PARD3: variants seen among roughly 807,000 people sequenced by gnomAD.
PARD3 encodes the protein partitioning defective 3 homolog.
A neutral mutation model predicts 155.4 loss-of-function variants in PARD3; 75 were observed. The observed-to-expected ratio is 0.48, with a 90% confidence interval of 0.40 to 0.58. The LOEUF (loss-of-function observed/expected upper bound fraction) is 0.58, where lower values mean the gene tolerates loss of function less well. Among genes scored for constraint, PARD3 ranks in the 20% least tolerant of loss-of-function variants. The pLI, the probability that PARD3 is intolerant of heterozygous loss-of-function variation, is 0.00. For synonymous variants in PARD3, 576 were observed against 610.5 expected (o/e 0.94, Z 0.83); for missense variants, 1,642 against 1,721.7 (o/e 0.95, Z 0.82).
intron 3 of PARD3, among the ~76,000 whole-genome samples, chr10:34,509,801 C>CA (rs201804245): frequency 0.065 from 9,831 of 150,418 alleles, 422 homozygotes; most frequent in African/African-American, 0.13. Context: ...GACAAAACAA[C>CA]AAAAAAAAAG....
At chr10:34,440,703 A>G (rs2076418034) in intron 5 of PARD3, among the ~76,000 whole-genome samples, 1 of 152,046 alleles carries the variant, frequency 6.6e-6, no homozygotes, top group Non-Finnish European at 1.5e-5. Flanking sequence ...AGCAATAAAT[A>G]AAGACAGTTG....
intron 2 of PARD3, among the ~76,000 whole-genome samples, chr10:34,536,819 A>C (rs2083265398): frequency 6.6e-6 from 1 of 152,218 alleles, no homozygotes; most frequent in African/African-American, 2.4e-5. Context: ...AAGTCAACAC[A>C]GTCAACACCT....
chr10:34,182,069 A>C (rs921859477), intron 22 of PARD3, among the ~76,000 whole-genome samples: 1 of 152,182 alleles, frequency 6.6e-6, no homozygotes, highest in Non-Finnish European at 1.5e-5. Context: ...AGATGTTTTC[A>C]ATCTGGAAAG....
chr10:34,252,444 CTT>C (rs1954374285), intron 22 of PARD3, among the ~76,000 whole-genome samples: 2 of 152,176 alleles, frequency 1.3e-5, no homozygotes, highest in African/African-American at 4.8e-5. Flanking sequence ...CACAGGCAAA[CTT>C]AACCCTGATG....
At chr10:34,722,133 C>T (rs113218504) in intron 1 of PARD3, among the ~76,000 whole-genome samples, 2,990 of 152,234 alleles carry the variant, frequency 0.02, 98 homozygotes, top group African/African-American at 0.068. Flanking sequence ...TTCAAGGCTG[C>T]AGTGAGACAT....
At position 34,516,992 on chromosome 10, in the gene PARD3, T is replaced by G. The variant is rs1446744403; in HGVS notation, c.390A>C (p.Ser130=). The change falls in exon 3 of 25, where the codon TCA becomes TCC. Residue 130 remains serine, a synonymous_variant. Transcript: ENST00000374788. The part of the protein sequence containing the change: ...QATSEIEVTP[S]VLRANMPLHV... ...GCTTTCACTTACTTGCTCGAAGGAC[T>G]GAAGGTGTGACCTCAATTTCACTTG... 1 of 1,613,998 alleles carries G rather than the reference T, an allele frequency of 6.2e-7. No homozygotes were observed. The highest frequency in any genetic ancestry group is 8.5e-7 in the Non-Finnish European group (1 of 1,179,966).
At chr10:34,572,822 G>C (rs984234195) in intron 2 of PARD3, among the ~76,000 whole-genome samples, 6 of 151,590 alleles carry the variant, frequency 4.0e-5, no homozygotes, top group Admixed American at 3.3e-4. Flanking sequence ...TAAAGCTATA[G>C]ATAAAACATA....
Position 34,650,934 on chromosome 10 carries a change from C to T in PARD3, c.222+45384G>A, listed in dbSNP as rs1325842036. Among the ~76,000 whole-genome samples the T allele has an allele frequency of 8.6e-5, 12 of 140,000 alleles. No homozygotes were observed. The Admixed American group carries it at 9.3e-4, about 11-fold the overall frequency. 91.8% of individuals were successfully genotyped at this position (140,000 alleles called of 152,430 possible). A position where few individuals can be genotyped will look rare whatever the true frequency, so the allele number is the denominator to read the frequency against. ...GCTGAGGCAGGAAAATCGCTTGAAC[C>T]CAGGAGGCAGAGGTTGTGGTGAGCC... On this transcript the variant is annotated intron_variant, in intron 2 of 24. Coordinates refer to ENST00000374788, the MANE Select transcript of PARD3 (RefSeq NM_001184785.2).
intron 21 of PARD3, among the ~76,000 whole-genome samples, chr10:34,283,680 A>T (rs1956256389): frequency 6.6e-6 from 1 of 152,166 alleles, no homozygotes; most frequent in Non-Finnish European, 1.5e-5. Context: ...GAAAAACAAC[A>T]TAATGAATAA....
intron 2 of PARD3, among the ~76,000 whole-genome samples, chr10:34,682,823 T>C (rs1039485831): frequency 2.6e-5 from 4 of 152,240 alleles, no homozygotes; most frequent in Non-Finnish European, 5.9e-5. Context: ...GTTGCAGAGA[T>C]TGCATCACTG....
intron 22 of PARD3, among the ~76,000 whole-genome samples, chr10:34,251,766 TGACA>T (rs940534721): frequency 6.6e-6 from 1 of 152,236 alleles, no homozygotes; most frequent in African/African-American, 2.4e-5. Context: ...TGCATTTTGC[TGACA>T]GAAACTCCAG....
chr10:34,519,695 T>C (rs558362213), intron 2 of PARD3, among the ~76,000 whole-genome samples: 2 of 152,070 alleles, frequency 1.3e-5, no homozygotes, highest in Non-Finnish European at 1.5e-5. Context: ...GCTTCTGTAA[T>C]CCCAGCTACT....
chr10:34,345,507 G>A (rs778263804), intron 15 of PARD3: 4 of 985,178 alleles, frequency 4.1e-6, no homozygotes, highest in Non-Finnish European at 4.8e-6. Context: ...GTCTACAAAG[G>A]AGTGATTCCA....
intron 2 of PARD3, among the ~76,000 whole-genome samples, chr10:34,528,525 T>C (rs1690669946): frequency 6.6e-6 from 1 of 152,170 alleles, no homozygotes; most frequent in Non-Finnish European, 1.5e-5. Context: ...TCAGTAGTGA[T>C]AGGTTTTGTT....
At chr10:34,600,928 C>T (rs73267375) in intron 2 of PARD3, among the ~76,000 whole-genome samples, 6,955 of 150,424 alleles carry the variant, frequency 0.046, 509 homozygotes, top group African/African-American at 0.15. Flanking sequence ...GCTGAGACCA[C>T]AAGCACGTGC....
chr10:34,145,213 ATATATATATT>A (rs1024198471), intron 22 of PARD3, among the ~76,000 whole-genome samples: 1 of 64,042 alleles, frequency 1.6e-5, no homozygotes, highest in African/African-American at 9.0e-5. Flanking sequence ...ATATATATAT[ATATATATATT>A]TTTTTTTTTT....
At chr10:34,185,061 C>T (rs1468994084) in intron 22 of PARD3, among the ~76,000 whole-genome samples, 1 of 152,190 alleles carries the variant, frequency 6.6e-6, no homozygotes, top group Non-Finnish European at 1.5e-5. Flanking sequence ...TGTGTTTCAC[C>T]TGTCAGAGCC....
At chr10:34,556,801 G>A (rs892976122) in intron 2 of PARD3, among the ~76,000 whole-genome samples, 1 of 151,888 alleles carries the variant, frequency 6.6e-6, no homozygotes, top group South Asian at 2.1e-4. Flanking sequence ...CACACAAACC[G>A]TTTCCTTTCC....
chr10:34,161,473 A>C (rs1949277124), intron 22 of PARD3, among the ~76,000 whole-genome samples: 1 of 152,112 alleles, frequency 6.6e-6, no homozygotes, highest in Non-Finnish European at 1.5e-5. Context: ...GCTTTACTTT[A>C]GGAAACACCA....
Sources: gnomAD v4.1 joint callset for allele counts (sites outside exome capture counted in the v4.1 genomes callset) on GRCh38, gnomAD v4.1.1 for gene constraint, MANE v1.5 for transcripts, NCBI Gene and HGNC (gene_info 2026-07-23, HGNC 2026-07-21) for gene names.